SUPT3H: variants seen among roughly 807,000 people sequenced by gnomAD.
The protein encoded by SUPT3H is transcription initiation protein SPT3 homolog.
A neutral mutation model predicts 44.3 loss-of-function variants in SUPT3H; 44 were observed. The ratio of observed to expected loss-of-function variants is 0.99; its 90% CI spans 0.78 to 1.28. The LOEUF (loss-of-function observed/expected upper bound fraction) is 1.28, where lower values mean the gene tolerates loss of function less well. Ranked by LOEUF, SUPT3H falls within the 50% of genes most tolerant of loss-of-function variation. SUPT3H has a pLI of 0.00. For synonymous variants in SUPT3H, 124 were observed against 125.6 expected (o/e 0.99, Z 0.09); for missense variants, 380 against 387.1 (o/e 0.98, Z 0.15).
At chr6:45,299,762 A>C (rs1300000773) in intron 2 of SUPT3H, among the ~76,000 whole-genome samples, 1 of 152,044 alleles carries the variant, frequency 6.6e-6, no homozygotes, top group East Asian at 1.9e-4. Context: ...CAAAAAAAAA[A>C]AAAAATTAAT....
chr6:45,016,442 C>T (rs1187345029), intron 4 of SUPT3H, among the ~76,000 whole-genome samples: 7 of 150,312 alleles, frequency 4.7e-5, no homozygotes, highest in South Asian at 2.1e-4. Flanking sequence ...GTGTGCTGCA[C>T]CCATTAACTC....
chr6:45,015,683 T>C (rs1442150015), intron 4 of SUPT3H, among the ~76,000 whole-genome samples: 1 of 152,002 alleles, frequency 6.6e-6, no homozygotes, highest in Non-Finnish European at 1.5e-5. Context: ...CCTTACACAA[T>C]TGTACAAAAA....
chr6:44,896,059 CT>C (rs1245045268), intron 10 of SUPT3H, among the ~76,000 whole-genome samples: 1 of 151,982 alleles, frequency 6.6e-6, no homozygotes, highest in Admixed American at 6.6e-5. Context: ...TCATTCCATG[CT>C]TTTTTCTGTA....
chr6:44,845,381 T>A (rs1029335461), intron 10 of SUPT3H, among the ~76,000 whole-genome samples: 1 of 152,192 alleles, frequency 6.6e-6, no homozygotes, highest in Admixed American at 6.5e-5. Context: ...TATGGAGGGC[T>A]TGAATTCTAA....
intron 2 of SUPT3H, among the ~76,000 whole-genome samples, chr6:45,180,531 T>C (rs932175989): frequency 3.4e-5 from 5 of 147,022 alleles, no homozygotes; most frequent in African/African-American, 5.0e-5. Flanking sequence ...TATAGATCAA[T>C]GGAACAGAAC....
chr6:44,961,411 A>T (rs1776001035), intron 7 of SUPT3H, among the ~76,000 whole-genome samples: 1 of 152,216 alleles, frequency 6.6e-6, no homozygotes, highest in Non-Finnish European at 1.5e-5. Context: ...ATCAAATGCA[A>T]TCAGAAATAC....
chr6:45,230,095 T>G (rs1584385156), intron 2 of SUPT3H, among the ~76,000 whole-genome samples: 1 of 152,208 alleles, frequency 6.6e-6, no homozygotes, highest in South Asian at 2.1e-4. Context: ...TGTCTTTCTG[T>G]ATCTGGCTAA....
intron 2 of SUPT3H, among the ~76,000 whole-genome samples, chr6:45,176,088 G>A (rs1420302206): frequency 6.6e-6 from 1 of 152,124 alleles, no homozygotes; most frequent in African/African-American, 2.4e-5. Flanking sequence ...TGGCCGAATA[G>A]GAACAGCTCT....
At chr6:45,208,954 A>G (rs1221991402) in intron 2 of SUPT3H, among the ~76,000 whole-genome samples, 2 of 152,056 alleles carry the variant, frequency 1.3e-5, no homozygotes, top group African/African-American at 4.8e-5. Context: ...TACCATTCAG[A>G]AAAATGTCAG....
intron 2 of SUPT3H, among the ~76,000 whole-genome samples, chr6:45,240,509 G>A (rs947389391): frequency 3.3e-5 from 5 of 152,118 alleles, no homozygotes; most frequent in Admixed American, 6.5e-5. Context: ...TAGGCGTACC[G>A]CCCTCAAAAA....
intron 10 of SUPT3H, among the ~76,000 whole-genome samples, chr6:44,928,892 A>T (rs1347877015): frequency 7.5e-6 from 1 of 133,996 alleles, no homozygotes; most frequent in Admixed American, 7.5e-5. Flanking sequence ...CAAAAAAAAA[A>T]AAAAAAAAAA....
At chr6:45,377,526 A>C (rs1796978963) in intron 1 of SUPT3H, 1 of 151,956 alleles carries the variant, frequency 6.6e-6, no homozygotes, top group African/African-American at 2.4e-5. Context: ...AGGAGTCGAG[A>C]GGCAACTCCA....
intron 2 of SUPT3H, among the ~76,000 whole-genome samples, chr6:45,265,447 T>G (rs987356825): frequency 6.6e-6 from 1 of 152,140 alleles, no homozygotes; most frequent in East Asian, 1.9e-4. Flanking sequence ...ATGAGTCTAG[T>G]CCGGCTAGGT....
At chr6:44,924,370 A>C (rs903854947) in intron 10 of SUPT3H, among the ~76,000 whole-genome samples, 6 of 152,126 alleles carry the variant, frequency 3.9e-5, no homozygotes, top group Admixed American at 3.3e-4. Context: ...CATAACTTTG[A>C]CTTCAAAATA....
intron 7 of SUPT3H, among the ~76,000 whole-genome samples, chr6:44,959,556 A>C (rs1056667006): frequency 3.9e-5 from 6 of 152,012 alleles, no homozygotes; most frequent in Non-Finnish European, 7.4e-5. Context: ...ATAGATTATA[A>C]ATTTTAATGA....
At chr6:44,872,629 A>T (rs1776585725) in intron 10 of SUPT3H, among the ~76,000 whole-genome samples, 1 of 145,460 alleles carries the variant, frequency 6.9e-6, no homozygotes, top group Middle Eastern at 3.5e-3. Flanking sequence ...TAATGACAGG[A>T]TCAAATTCAA....
intron 10 of SUPT3H, among the ~76,000 whole-genome samples, chr6:44,877,814 T>C (rs1777556204): frequency 6.6e-6 from 1 of 152,204 alleles, no homozygotes; most frequent in Non-Finnish European, 1.5e-5. Flanking sequence ...AAGTCTGCCA[T>C]TCATATTTTT....
At chr6:44,866,516 T>C (rs1233253537) in intron 10 of SUPT3H, among the ~76,000 whole-genome samples, 1 of 44,668 alleles carries the variant, frequency 2.2e-5, no homozygotes, top group Admixed American at 2.6e-4. Flanking sequence ...GAGATCCATC[T>C]CTTAGGAAAA....
At chr6:45,158,289 TATATATA>T (rs1562572877) in intron 2 of SUPT3H, among the ~76,000 whole-genome samples, 12 of 44,750 alleles carry the variant, frequency 2.7e-4, no homozygotes, top group Non-Finnish European at 4.3e-4. Context: ...TATATATATA[TATATATA>T]TATTTTTTTT....
Sources: gnomAD v4.1 joint callset for allele counts (sites outside exome capture counted in the v4.1 genomes callset) on GRCh38, gnomAD v4.1.1 for gene constraint, MANE v1.5 for transcripts, NCBI Gene and HGNC (gene_info 2026-07-23, HGNC 2026-07-21) for gene names.